Variants in AIFM1 observed in about 807,000 individuals in gnomAD.
AIFM1 encodes apoptosis-inducing factor 1, mitochondrial.
In AIFM1, 3 loss-of-function variants were observed where a neutral mutation model predicts 51.7. That is an observed-to-expected ratio of 0.06 (90% CI 0.03 to 0.15). The LOEUF (loss-of-function observed/expected upper bound fraction) is 0.15, where lower values mean the gene tolerates loss of function less well. Ranked by LOEUF, AIFM1 falls within the 10% of genes least tolerant of loss-of-function variation. AIFM1 has a pLI of 1.00. For missense variants in AIFM1, 330 were observed against 476.8 expected (o/e 0.69, Z 2.87); for synonymous variants, 178 against 179.4 (o/e 0.99, Z 0.06).
At chrX:130,131,140 G>A (rs2124645371) in intron 14 of AIFM1, among the ~76,000 whole-genome samples, 1 of 111,005 alleles carries the variant, frequency 9.0e-6, no homozygotes, top group Non-Finnish European at 1.9e-5. Flanking sequence ...TCCAAGAGAG[G>A]TGCCTCCCAT....
chrX:130,159,996 AT>A (rs1228285780), intron 1 of AIFM1, among the ~76,000 whole-genome samples: 3 of 110,065 alleles, frequency 2.7e-5, no homozygotes, highest in Admixed American at 9.7e-5. Flanking sequence ...TAATTTTTCT[AT>A]TTTTTGTAGA....
At chrX:130,154,625 T>C (rs1481816267) in intron 2 of AIFM1, among the ~76,000 whole-genome samples, 1 of 111,843 alleles carries the variant, frequency 8.9e-6, no homozygotes, top group Non-Finnish European at 1.9e-5. Flanking sequence ...AGGCTGTGGG[T>C]GGAAAGGTGG....
chrX:130,134,297 G>T (rs1240375660), intron 12 of AIFM1, among the ~76,000 whole-genome samples: 1 of 110,314 alleles, frequency 9.1e-6, no homozygotes, highest in Non-Finnish European at 1.9e-5. Context: ...ATCTTCTATA[G>T]TTTTGTTTAC....
At chrX:130,133,603 A>G in intron 12 of AIFM1, 148 bp from the exon 13 acceptor site, 1 of 759,288 alleles carries the variant, frequency 1.3e-6, no homozygotes, top group Non-Finnish European at 1.9e-6. Context: ...TACTTAAACT[A>G]ACAAAAACAG....
intron 3 of AIFM1, among the ~76,000 whole-genome samples, chrX:130,148,448 G>A (rs1486958583): frequency 8.9e-6 from 1 of 111,941 alleles, no homozygotes; most frequent in South Asian, 3.8e-4. Context: ...GCTAGGGTAT[G>A]TGCTTTAGGA....
intron 2 of AIFM1, among the ~76,000 whole-genome samples, chrX:130,152,587 T>G (rs192589035): frequency 8.9e-6 from 1 of 112,007 alleles, no homozygotes; most frequent in Admixed American, 9.5e-5. Flanking sequence ...AATGCAATCC[T>G]ATAGCTTAAC....
At chrX:130,133,147 C>T (rs1214785058) in intron 13 of AIFM1, among the ~76,000 whole-genome samples, 166 bp downstream of exon 13, 1 of 111,919 alleles carries the variant, frequency 8.9e-6, no homozygotes, top group African/African-American at 3.2e-5. Context: ...CAGGACACTT[C>T]TGCCAGATGG....
Position 130,147,888 on chromosome X carries a change from A to G in AIFM1, c.350-12T>C, listed in dbSNP as rs1416261227. On this transcript the variant is annotated splice_polypyrimidine_tract_variant and intron_variant, in intron 3 of 15. Coordinates refer to ENST00000287295, the MANE Select transcript of AIFM1 (RefSeq NM_004208.4). Reference sequence around the variant, plus strand: ...CTCTCCTTCTGAAGCTGAAAGCAACAGAACAGACTGGATGAATCTTCTTGA... The same window carrying G: ...CTCTCCTTCTGAAGCTGAAAGCAACGGAACAGACTGGATGAATCTTCTTGA... 9 of 1,209,976 alleles carry G rather than the reference A, an allele frequency of 7.4e-6. No homozygotes were observed. The highest frequency in any genetic ancestry group is 8.9e-6 in the Non-Finnish European group (8 of 895,149).
intron 1 of AIFM1, among the ~76,000 whole-genome samples, chrX:130,157,269 C>T (rs1041975165): frequency 3.6e-5 from 4 of 112,274 alleles, no homozygotes; most frequent in Non-Finnish European, 7.5e-5. Context: ...GTTATTTTGA[C>T]GTAAAACTAT....
At position 130,131,643 on chromosome X, in the gene AIFM1, A is replaced by G. The variant is rs777656830; in HGVS notation, c.1573+32T>C. On this transcript the variant is annotated intron_variant, in intron 14 of 15. Transcript: ENST00000287295. ...AGAATCTGGACCACTGCTTCTCAAC[A>G]CTCTCCAAGAGGAGTGCTAGGACTT... 4.0e-5 allele frequency: 48 copies of G among 1,208,878 alleles called. No individual in the cohort carries two copies. The South Asian group carries it at 7.6e-4, about 19-fold the overall frequency.
At position 130,156,822 on chromosome X, in the gene AIFM1, T is replaced by C. The variant is rs780009744; in HGVS notation, c.107-219A>G. Among the ~76,000 whole-genome samples, 3 of 111,980 alleles carry C rather than the reference T, an allele frequency of 2.7e-5. No individual in the cohort carries two copies. The Admixed American group carries it at 2.9e-4, about 11-fold the overall frequency. On this transcript the variant is annotated intron_variant, in intron 1 of 15. Transcript: ENST00000287295. ...AGTTTTTAAGAGTAAAATTTAATGC[T>C]GTCCAGTGAGAAAATTTTCAGCTTC...
intron 6 of AIFM1, among the ~76,000 whole-genome samples, chrX:130,141,558 C>T (rs1005794361): frequency 1.5e-4 from 17 of 112,043 alleles, no homozygotes; most frequent in African/African-American, 4.5e-4. Flanking sequence ...CGTTCCCCCA[C>T]ACTCCACATC....
At chrX:130,162,625 C>T (rs1476228388) in intron 1 of AIFM1, among the ~76,000 whole-genome samples, 1 of 112,258 alleles carries the variant, frequency 8.9e-6, no homozygotes, top group African/African-American at 3.2e-5. Context: ...ATCTTTTAGG[C>T]TTCAAAACGA....
intron 2 of AIFM1, among the ~76,000 whole-genome samples, chrX:130,150,573 G>A (rs1314695566): frequency 3.8e-5 from 4 of 105,379 alleles, no homozygotes; most frequent in Non-Finnish European, 7.8e-5. Flanking sequence ...CTGACCTCGT[G>A]ATCTGCCCGC....
Position 130,165,545 on chromosome X carries a change from A to G in AIFM1, c.106+6T>C, listed in dbSNP as rs764486120. 1 of 1,183,481 alleles carries G rather than the reference A, an allele frequency of 8.4e-7. No homozygotes were observed. Among genetic ancestry groups the G allele is most frequent in the Non-Finnish European group, 1.1e-6 (1 of 879,233 alleles). ...ACTTGGAGGTTGCCTGGAATGGGTC[A>G]GTCACCTGGGAGCCGGTTCCTCTGC... On this transcript the variant is annotated splice_donor_region_variant and intron_variant, in intron 1 of 15. Coordinates refer to ENST00000287295, the MANE Select transcript of AIFM1 (RefSeq NM_004208.4).
chrX:130,150,939 C>G (rs1353777615), intron 2 of AIFM1, among the ~76,000 whole-genome samples: 1 of 87,241 alleles, frequency 1.1e-5, no homozygotes, highest in Non-Finnish European at 2.2e-5. Flanking sequence ...GATCACATCA[C>G]TGCACTCCAG....
At chrX:130,136,494 T>C (rs762415454) in intron 11 of AIFM1, 149 bp downstream of exon 11, 18 of 570,031 alleles carry the variant, frequency 3.2e-5, no homozygotes, top group Non-Finnish European at 4.8e-5. Flanking sequence ...TCTGTTTTAA[T>C]GGAGGGATGG....
rs143384084 is a variant in AIFM1, at chrX:130,151,360, T to C, written c.250-1792A>G. Among the ~76,000 whole-genome samples the C allele has an allele frequency of 9.9e-5, 11 of 110,921 alleles. No homozygotes were observed. The East Asian group carries it at 2.9e-3, about 29-fold the overall frequency. On this transcript the variant is annotated intron_variant, in intron 2 of 15. Coordinates refer to ENST00000287295, the MANE Select transcript of AIFM1 (RefSeq NM_004208.4). ...TTCACTATGTTGGCCAGGCTGGTCT[T>C]GAACTCCTGACCTTGTGATCCACCC...
In AIFM1 at chrX:130,165,740, C is replaced by A; in HGVS notation, c.-84G>T. Reference sequence around the variant, plus strand: ...GTCAAACACCGTGAGCCCCGGCCAGCTCCCCCAGTCTCTTCACACGCACAT... The same window carrying A: ...GTCAAACACCGTGAGCCCCGGCCAGATCCCCCAGTCTCTTCACACGCACAT... On this transcript the variant is annotated 5_prime_UTR_variant, in exon 1 of 16. Transcript: ENST00000287295. 1 of 780,896 alleles carries A rather than the reference C, an allele frequency of 1.3e-6. No individual in the cohort carries two copies. Among genetic ancestry groups the A allele is most frequent in the South Asian group, 2.2e-5 (1 of 45,046 alleles). The allele number at this position is 780,896 out of a possible 1,213,427, so 64.4% of individuals were successfully genotyped here. A position where few individuals can be genotyped will look rare whatever the true frequency, so the allele number is the denominator to read the frequency against.
Sources: gnomAD v4.1 joint callset for allele counts (sites outside exome capture counted in the v4.1 genomes callset) on GRCh38, gnomAD v4.1.1 for gene constraint, MANE v1.5 for transcripts, NCBI Gene and HGNC (gene_info 2026-07-23, HGNC 2026-07-21) for gene names.